CNTN5: variants seen among roughly 807,000 people sequenced by gnomAD.
The protein encoded by CNTN5 is contactin 5.
CNTN5 carries 77 observed loss-of-function variants against 129.1 expected under a neutral mutation model. That is an observed-to-expected ratio of 0.60 (90% CI 0.50 to 0.72). The LOEUF (loss-of-function observed/expected upper bound fraction) is 0.72, where lower values mean the gene tolerates loss of function less well. Among genes scored for constraint, CNTN5 ranks in the 30% least tolerant of loss-of-function variants. CNTN5 has a pLI of 0.00. For synonymous variants in CNTN5, 509 were observed against 465.6 expected (o/e 1.09, Z -1.20); for missense variants, 1,478 against 1,328.8 (o/e 1.11, Z -1.75).
chr11:99,137,327 C>T (rs1407038834), intron 1 of CNTN5, among the ~76,000 whole-genome samples: 1 of 152,118 alleles, frequency 6.6e-6, no homozygotes, highest in Admixed American at 6.5e-5. Flanking sequence ...AAGGGTATTT[C>T]TAGAATTACA....
At chr11:99,181,108 C>T (rs138852876) in intron 1 of CNTN5, among the ~76,000 whole-genome samples, 96 of 152,204 alleles carry the variant, frequency 6.3e-4, no homozygotes, top group African/African-American at 2.3e-3. Context: ...GGTACCACCA[C>T]CAGGGGGTCT....
chr11:99,186,567 C>T (rs1199412978), intron 1 of CNTN5, among the ~76,000 whole-genome samples: 1 of 151,938 alleles, frequency 6.6e-6, no homozygotes, highest in African/African-American at 2.4e-5. Flanking sequence ...TTGCCAATCT[C>T]ATATACCACT....
chr11:100,278,500 A>G (rs1295031540), intron 18 of CNTN5, among the ~76,000 whole-genome samples: 1 of 151,922 alleles, frequency 6.6e-6, no homozygotes, highest in Non-Finnish European at 1.5e-5. Flanking sequence ...TCAGTTTTAC[A>G]GTTTTCATTA....
At chr11:100,253,180 A>T (rs1401355397) in intron 16 of CNTN5, among the ~76,000 whole-genome samples, 4 of 152,096 alleles carry the variant, frequency 2.6e-5, no homozygotes, top group Non-Finnish European at 4.4e-5. Flanking sequence ...TTCTTTCTTC[A>T]GTTGAAGATA....
At chr11:99,257,134 GA>G (rs1203223742) in intron 1 of CNTN5, among the ~76,000 whole-genome samples, 2 of 152,054 alleles carry the variant, frequency 1.3e-5, no homozygotes, top group Admixed American at 1.3e-4. Context: ...GGTAAGAACA[GA>G]ACAAAATCTG....
intron 21 of CNTN5, chr11:100,309,421 A>T: frequency 1.0e-6 from 1 of 968,418 alleles, no homozygotes; most frequent in Non-Finnish European, 1.2e-6. Flanking sequence ...TATGATAAAA[A>T]AATTTATACA....
intron 3 of CNTN5, among the ~76,000 whole-genome samples, chr11:99,729,987 C>T (rs78910154): frequency 0.033 from 4,984 of 152,076 alleles, 117 homozygotes; most frequent in Non-Finnish European, 0.05. Flanking sequence ...GAGAGGTTAA[C>T]GTGTGCCATA....
chr11:99,310,943 T>A lies in CNTN5; in HGVS notation c.-209-14403T>A, dbSNP rs977419458. Among the ~76,000 whole-genome samples, 7 of 152,322 alleles carry A rather than the reference T, an allele frequency of 4.6e-5. No homozygotes were observed. In the East Asian group the frequency reaches 5.8e-4, roughly 13 times the overall value. On this transcript the variant is annotated intron_variant, in intron 1 of 24. Transcript: ENST00000524871. Reference sequence around the variant, plus strand: ...AATTAGGTTGATTATTTATTATTTTTTTTTTTGAGACGGAGTCTCGCTTTG... The same window carrying A: ...AATTAGGTTGATTATTTATTATTTTATTTTTTGAGACGGAGTCTCGCTTTG...
At chr11:99,368,227 T>G (rs1160136523) in intron 2 of CNTN5, among the ~76,000 whole-genome samples, 1 of 131,084 alleles carries the variant, frequency 7.6e-6, no homozygotes, top group Non-Finnish European at 1.8e-5. Context: ...AGAATAATTG[T>G]AAAAATTTAA....
At chr11:99,526,784 T>C (rs1004126611) in intron 2 of CNTN5, among the ~76,000 whole-genome samples, 1 of 152,226 alleles carries the variant, frequency 6.6e-6, no homozygotes, top group African/African-American at 2.4e-5. Flanking sequence ...TGTACATTTG[T>C]TTTCATTTGA....
chr11:100,248,854 G>A (rs890439144), intron 16 of CNTN5, among the ~76,000 whole-genome samples: 2 of 152,132 alleles, frequency 1.3e-5, no homozygotes, highest in African/African-American at 4.8e-5. Context: ...TCTACAAGGA[G>A]AATGAGCAAT....
chr11:99,981,077 GAT>G (rs372749441), intron 8 of CNTN5, among the ~76,000 whole-genome samples: 15 of 57,592 alleles, frequency 2.6e-4, no homozygotes, highest in African/African-American at 4.8e-4. Context: ...GAGCCAATAG[GAT>G]ATATATATAT....
chr11:100,148,204 G>A (rs1284864069), intron 13 of CNTN5, among the ~76,000 whole-genome samples: 1 of 152,048 alleles, frequency 6.6e-6, no homozygotes, highest in Non-Finnish European at 1.5e-5. Context: ...GCAGCTTTGA[G>A]ATACCTGCTT....
At chr11:100,019,628 G>A (rs1340815534) in intron 9 of CNTN5, among the ~76,000 whole-genome samples, 1 of 151,950 alleles carries the variant, frequency 6.6e-6, no homozygotes, top group South Asian at 2.1e-4. Flanking sequence ...TATCTTGGCT[G>A]TTATAAATAT....
At chr11:99,273,617 G>A (rs1863283289) in intron 1 of CNTN5, among the ~76,000 whole-genome samples, 1 of 151,554 alleles carries the variant, frequency 6.6e-6, no homozygotes, top group Non-Finnish European at 1.5e-5. Flanking sequence ...CTGTATCTCG[G>A]CTGGTTTGAA....
chr11:99,343,591 T>C (rs1013016302), intron 2 of CNTN5, among the ~76,000 whole-genome samples: 3 of 152,212 alleles, frequency 2.0e-5, no homozygotes, highest in Non-Finnish European at 4.4e-5. Flanking sequence ...ATTTATATTA[T>C]TGTGTTATAC....
chr11:99,743,890 ATTAC>A (rs1455770206), intron 3 of CNTN5, among the ~76,000 whole-genome samples: 1 of 152,176 alleles, frequency 6.6e-6, no homozygotes, highest in Non-Finnish European at 1.5e-5. Context: ...TTCTCATCTT[ATTAC>A]TTAAACCCAT....
At chr11:99,288,310 A>T (rs1396263385) in intron 1 of CNTN5, among the ~76,000 whole-genome samples, 1 of 151,834 alleles carries the variant, frequency 6.6e-6, no homozygotes, top group Non-Finnish European at 1.5e-5. Context: ...TTAGAAGTCA[A>T]CTCTGTGAGC....
Position 99,213,447 on chromosome 11 carries a change from T to C in CNTN5, c.-209-111899T>C, listed in dbSNP as rs556967338. On this transcript the variant is annotated intron_variant, in intron 1 of 24. Transcript: ENST00000524871. ...ATATACACGTGTATATATACACATA[T>C]ATGTATATACATATATACGTGTGTA... Among the ~76,000 whole-genome samples, 23 of 145,314 alleles carry C rather than the reference T, an allele frequency of 1.6e-4. 1 individual carries two copies. In the South Asian group the frequency reaches 4.9e-3, roughly 31 times the overall value.
Sources: gnomAD v4.1 joint callset for allele counts (sites outside exome capture counted in the v4.1 genomes callset) on GRCh38, gnomAD v4.1.1 for gene constraint, MANE v1.5 for transcripts, NCBI Gene and HGNC (gene_info 2026-07-23, HGNC 2026-07-21) for gene names.